The following SLC35F1 variants were observed in gnomAD, a reference collection of about 807,000 sequenced individuals.
SLC35F1 encodes the protein solute carrier family 35 member F1, also known as chromosome 6 open reading frame 169.
A neutral mutation model predicts 48.7 loss-of-function variants in SLC35F1; 14 were observed. The observed-to-expected ratio is 0.29, with a 90% CI of 0.19 to 0.45. The LOEUF is 0.45. Among genes scored for constraint, SLC35F1 ranks in the 20% least tolerant of loss-of-function variants. SLC35F1 has a pLI of 1.00. For synonymous variants in SLC35F1, 190 were observed against 202.2 expected, an observed-to-expected ratio of 0.94 and a Z score of 0.51; for missense variants, 404 against 500.0, an observed-to-expected ratio of 0.81 and a Z score of 1.83.
At chr6:118,215,307 A>C (rs1011978001) in intron 2 of SLC35F1, among the ~76,000 whole-genome samples, 2 of 152,192 alleles carry the variant, frequency 1.3e-5, no homozygotes, top group Non-Finnish European at 2.9e-5. Flanking sequence ...TTGAGGTCTT[A>C]TTTCTCAAAA....
intron 2 of SLC35F1, among the ~76,000 whole-genome samples, chr6:118,228,991 C>G (rs6921657): frequency 0.93 from 140,763 of 150,726 alleles, 65,791 homozygotes; most frequent in East Asian, 0.98. Flanking sequence ...TGTCTTGCAG[C>G]ACTTTTATTA....
chr6:117,970,167 A>G (rs77898062), intron 1 of SLC35F1, among the ~76,000 whole-genome samples: 2,463 of 152,342 alleles, frequency 0.016, 30 homozygotes, highest in Middle Eastern at 0.027. Context: ...TGTATTCATC[A>G]TGCCAGTGAC....
At chr6:118,015,596 T>C (rs1777310413) in intron 1 of SLC35F1, among the ~76,000 whole-genome samples, 1 of 152,056 alleles carries the variant, frequency 6.6e-6, no homozygotes, top group African/African-American at 2.4e-5. Flanking sequence ...GCTCCATCCA[T>C]GTTCCTGCAA....
Position 118,154,586 on chromosome 6 carries a change from C to G in SLC35F1, c.315C>G (p.Phe105Leu). 1 of 1,613,950 alleles carries G rather than the reference C, an allele frequency of 6.2e-7. No homozygotes were observed. The highest frequency in any genetic ancestry group is 8.5e-7 in the Non-Finnish European group (1 of 1,179,918). The change falls in exon 2 of 8, where the codon TTC becomes TTG. Residue 105 changes from phenylalanine to leucine, a missense_variant. Physicochemically the swap from Phe to Leu is conservative, Grantham distance 22. This residue lies in a region of SLC35F1 where 306 missense variants were observed against 419.1 expected (regional missense o/e 0.73). Transcript: ENST00000360388. ...FQSFLNYILL[F>L]LVYTTTLAVR... Reference sequence around the variant, plus strand: ...GTTTCCTCAATTACATTCTTCTCTTCTTGGTCTATACCACCACACTAGCCG... The same window carrying G: ...GTTTCCTCAATTACATTCTTCTCTTGTTGGTCTATACCACCACACTAGCCG...
chr6:118,299,797 T>C (rs1046931879), intron 7 of SLC35F1, among the ~76,000 whole-genome samples: 10 of 152,156 alleles, frequency 6.6e-5, no homozygotes, highest in African/African-American at 2.2e-4. Flanking sequence ...AAGGTCCAGG[T>C]TTCTCATCCA....
At chr6:118,154,351 G>A (rs1774108109) in intron 1 of SLC35F1, 94 bp from the exon 2 acceptor site, 1 of 1,044,152 alleles carries the variant, frequency 9.6e-7, no homozygotes, top group Admixed American at 2.4e-5. Context: ...ACTTAATCCA[G>A]TGCATGCTAC....
intron 1 of SLC35F1, among the ~76,000 whole-genome samples, chr6:118,019,483 G>A (rs1429897710): frequency 2.6e-5 from 4 of 152,118 alleles, no homozygotes; most frequent in Non-Finnish European, 4.4e-5. Context: ...TTAGCCGGGC[G>A]TGGTGGTGTA....
At chr6:118,158,098 G>T (rs932796332) in intron 2 of SLC35F1, among the ~76,000 whole-genome samples, 1 of 152,148 alleles carries the variant, frequency 6.6e-6, no homozygotes, top group Non-Finnish European at 1.5e-5. Flanking sequence ...GTGATGGAGA[G>T]AATCAATTTC....
intron 1 of SLC35F1, among the ~76,000 whole-genome samples, chr6:118,059,943 C>T (rs577783653): frequency 3.3e-5 from 5 of 152,222 alleles, no homozygotes; most frequent in East Asian, 3.9e-4. Context: ...TTATAAAATA[C>T]GCTTTAGGGC....
chr6:118,096,836 G>T (rs1773183720), intron 1 of SLC35F1, among the ~76,000 whole-genome samples: 2 of 152,096 alleles, frequency 1.3e-5, no homozygotes, highest in African/African-American at 4.8e-5. Context: ...CCCCAAAGCT[G>T]CTCTTTTTCC....
chr6:118,038,200 G>A (rs569170376), intron 1 of SLC35F1, among the ~76,000 whole-genome samples: 6 of 152,130 alleles, frequency 3.9e-5, no homozygotes, highest in African/African-American at 1.4e-4. Context: ...AAAGCAGTAA[G>A]TAACTTAAAC....
chr6:118,183,513 A>T lies in SLC35F1; in HGVS notation c.349+28893A>T, dbSNP rs180975578. 3.2e-4 allele frequency among the ~76,000 whole-genome samples: 45 copies of T among 139,336 alleles called. No homozygotes were observed. In the East Asian group the frequency reaches 5.7e-3, roughly 18 times the overall value. The allele number at this position is 139,336 out of a possible 152,430, so 91.4% of individuals were successfully genotyped here. The stretch of plus-strand genomic sequence containing the variant: ...AATAATAATAAAATTAAATTAAATT[A>T]AAAAAAAAGAAATTGTTTCTTACAG... On this transcript the variant is annotated intron_variant, in intron 2 of 7. Transcript: ENST00000360388.
At chr6:117,957,147 C>T (rs1477261056) in intron 1 of SLC35F1, among the ~76,000 whole-genome samples, 2 of 152,182 alleles carry the variant, frequency 1.3e-5, no homozygotes, top group Admixed American at 1.3e-4. Flanking sequence ...CTTCCATCTT[C>T]CTCAGACATA....
intron 1 of SLC35F1, among the ~76,000 whole-genome samples, chr6:118,142,839 C>A (rs1463238663): frequency 6.6e-6 from 1 of 152,034 alleles, no homozygotes; most frequent in African/African-American, 2.4e-5. Flanking sequence ...TCTTTTGATG[C>A]AAAGAATGAT....
intron 3 of SLC35F1, among the ~76,000 whole-genome samples, chr6:118,245,666 C>T (rs1426234321): frequency 6.6e-6 from 1 of 152,202 alleles, no homozygotes; most frequent in African/African-American, 2.4e-5. Context: ...CCCCACCTCC[C>T]AGCCGGCACC....
chr6:117,958,363 C>A (rs185080610), intron 1 of SLC35F1, among the ~76,000 whole-genome samples: 37 of 152,042 alleles, frequency 2.4e-4, no homozygotes, highest in Admixed American at 2.4e-3. Flanking sequence ...TGTAGTATAG[C>A]CTAAATGAAT....
At chr6:118,153,855 A>G (rs1313979339) in intron 1 of SLC35F1, among the ~76,000 whole-genome samples, 1 of 152,186 alleles carries the variant, frequency 6.6e-6, no homozygotes, top group Non-Finnish European at 1.5e-5. Context: ...AAAGCTTCCT[A>G]GAGCAAACTG....
chr6:118,037,518 G>C (rs1175094869), intron 1 of SLC35F1, among the ~76,000 whole-genome samples: 2 of 151,840 alleles, frequency 1.3e-5, no homozygotes, highest in East Asian at 3.9e-4. Flanking sequence ...AATTTTGGGG[G>C]GGTTACTTTG....
At chr6:117,998,486 CA>C (rs1465169135) in intron 1 of SLC35F1, among the ~76,000 whole-genome samples, 2 of 152,086 alleles carry the variant, frequency 1.3e-5, no homozygotes, top group Non-Finnish European at 2.9e-5. Context: ...TTTTCAGCAC[CA>C]CACCACACCT....
Sources: gnomAD v4.1 joint callset for allele counts (sites outside exome capture counted in the v4.1 genomes callset) on GRCh38, gnomAD v4.1.1 for gene constraint, gnomAD v4.1.1 regional missense constraint, MANE v1.5 for transcripts, NCBI Gene and HGNC (gene_info 2026-07-23, HGNC 2026-07-21) for gene names.